Variants in TMEM132C observed in about 807,000 individuals in gnomAD.
The protein encoded by TMEM132C is protein phosphatase 1, regulatory subunit 152.
TMEM132C carries 29 observed loss-of-function variants against 61.4 expected under a neutral mutation model. The observed-to-expected ratio is 0.47, with a 90% confidence interval of 0.35 to 0.64. The LOEUF (loss-of-function observed/expected upper bound fraction) is 0.64. Among genes scored for constraint, TMEM132C ranks in the 30% least tolerant of loss-of-function variants. The pLI is 0.00. For missense variants in TMEM132C, 1,408 were observed against 1,476.9 expected (o/e 0.95, Z 0.76); for synonymous variants, 656 against 633.1 (o/e 1.04, Z -0.54).
chr12:128,427,259 T>C (rs1417598559), intron 2 of TMEM132C, among the ~76,000 whole-genome samples: 3 of 152,166 alleles, frequency 2.0e-5, no homozygotes, highest in Non-Finnish European at 4.4e-5. Context: ...GCATTTTGAT[T>C]GCATCGTGCT....
chr12:128,300,363 C>G lies in TMEM132C; in HGVS notation c.85+32876C>G, dbSNP rs536649268. ...GAACTTATCTCCTTGAGCCTGGGACCTTCCTGAAAAGCAGAGTTCATGGTT... is the reference window on the plus strand; with the variant it reads ...GAACTTATCTCCTTGAGCCTGGGACGTTCCTGAAAAGCAGAGTTCATGGTT... On this transcript the variant is annotated intron_variant, in intron 1 of 8. Coordinates refer to ENST00000435159, the MANE Select transcript of TMEM132C (RefSeq NM_001136103.3). Among the ~76,000 whole-genome samples, 8 of 152,258 alleles carry G rather than the reference C, an allele frequency of 5.3e-5. No individual in the cohort carries two copies. The South Asian group carries it at 1.7e-3, about 32-fold the overall frequency.
intron 1 of TMEM132C, among the ~76,000 whole-genome samples, chr12:128,407,574 T>A (rs1489336370): frequency 2.6e-5 from 4 of 152,198 alleles, no homozygotes; most frequent in Admixed American, 2.6e-4. Flanking sequence ...GGCTGCCTGA[T>A]GCAGGATGGC....
chr12:128,493,715 G>C (rs1871835073), intron 2 of TMEM132C, among the ~76,000 whole-genome samples: 1 of 152,182 alleles, frequency 6.6e-6, no homozygotes, highest in South Asian at 2.1e-4. Flanking sequence ...CTGAGACTTT[G>C]CTGAAGTTGC....
chr12:128,617,604 CAG>C (rs1309179802), intron 4 of TMEM132C, among the ~76,000 whole-genome samples: 11 of 151,194 alleles, frequency 7.3e-5, no homozygotes, highest in African/African-American at 2.7e-4. Flanking sequence ...GGGGCAGATG[CAG>C]AGTCAGGTGG....
chr12:128,486,111 G>A (rs1871484709), intron 2 of TMEM132C, among the ~76,000 whole-genome samples: 1 of 152,144 alleles, frequency 6.6e-6, no homozygotes, highest in Non-Finnish European at 1.5e-5. Flanking sequence ...CCAAAGCTTT[G>A]TAGTCTACTC....
At chr12:128,428,119 C>T (rs1447031382) in intron 2 of TMEM132C, among the ~76,000 whole-genome samples, 3 of 152,154 alleles carry the variant, frequency 2.0e-5, no homozygotes, top group Non-Finnish European at 4.4e-5. Context: ...ATACGCCATG[C>T]AATCCTCTCA....
intron 1 of TMEM132C, among the ~76,000 whole-genome samples, chr12:128,363,895 C>G (rs1443089677): frequency 6.7e-6 from 1 of 149,756 alleles, no homozygotes; most frequent in Non-Finnish European, 1.5e-5. Context: ...AAGATTTCAT[C>G]TCAGCGTGGT....
At chr12:128,365,620 C>T (rs1040129039) in intron 1 of TMEM132C, among the ~76,000 whole-genome samples, 1 of 152,178 alleles carries the variant, frequency 6.6e-6, no homozygotes, top group Non-Finnish European at 1.5e-5. Flanking sequence ...TGCCTCCTCG[C>T]CTCTGATTTT....
At chr12:128,443,828 C>T (rs1033395328) in intron 2 of TMEM132C, among the ~76,000 whole-genome samples, 4 of 152,190 alleles carry the variant, frequency 2.6e-5, no homozygotes, top group Admixed American at 6.5e-5. Context: ...CGGAATGCTC[C>T]GTCCTCTGTC....
At chr12:128,646,421 TGTGA>T (rs1313078102) in intron 4 of TMEM132C, among the ~76,000 whole-genome samples, 3 of 151,992 alleles carry the variant, frequency 2.0e-5, no homozygotes, top group African/African-American at 7.3e-5. Flanking sequence ...CAGTGTTGGA[TGTGA>T]GTGTGTTCAC....
At chr12:128,349,070 C>A (rs1023197125) in intron 1 of TMEM132C, among the ~76,000 whole-genome samples, 37 of 152,194 alleles carry the variant, frequency 2.4e-4, no homozygotes, top group African/African-American at 8.7e-4. Context: ...GTGGCACAAC[C>A]TGGGCTCACT....
chr12:128,636,464 A>G (rs1054895030), intron 4 of TMEM132C, among the ~76,000 whole-genome samples: 1 of 152,142 alleles, frequency 6.6e-6, no homozygotes. Context: ...TACCTGTGAA[A>G]TGGTCATTAC....
chr12:128,668,325 A>C (rs1201555446), intron 4 of TMEM132C, among the ~76,000 whole-genome samples: 1 of 152,144 alleles, frequency 6.6e-6, no homozygotes, highest in Non-Finnish European at 1.5e-5. Flanking sequence ...ATGTCAAGAA[A>C]ATTGACAGCA....
At chr12:128,440,634 T>A (rs1386926085) in intron 2 of TMEM132C, among the ~76,000 whole-genome samples, 1 of 152,254 alleles carries the variant, frequency 6.6e-6, no homozygotes, top group Non-Finnish European at 1.5e-5. Context: ...ATCTGATTGG[T>A]TGAGACCTGG....
intron 1 of TMEM132C, among the ~76,000 whole-genome samples, chr12:128,391,075 C>T (rs1403694105): frequency 6.6e-6 from 1 of 152,088 alleles, no homozygotes; most frequent in East Asian, 1.9e-4. Context: ...TCAGAACTGC[C>T]CTGAGAAGTT....
chr12:128,565,804 CA>C (rs1440509482), intron 3 of TMEM132C, among the ~76,000 whole-genome samples: 1 of 149,750 alleles, frequency 6.7e-6, no homozygotes, highest in Non-Finnish European at 1.5e-5. Context: ...TTCCAAAATT[CA>C]GCATAAATTC....
chr12:128,697,549 GCAGACAAAGTGCTCA>G, intron 8 of TMEM132C, 134 bp downstream of exon 8: 1 of 928,714 alleles, frequency 1.1e-6, no homozygotes, highest in African/African-American at 1.7e-5. Context: ...CCATGTCATT[GCAGACAAAGTGCTCA>G]TGTTACCCAC....
At chr12:128,366,291 A>G (rs1213640161) in intron 1 of TMEM132C, among the ~76,000 whole-genome samples, 1 of 152,058 alleles carries the variant, frequency 6.6e-6, no homozygotes, top group African/African-American at 2.4e-5. Flanking sequence ...CCTTTGAGGG[A>G]ACTGTTCAGA....
chr12:128,467,980 G>A (rs771893497), intron 2 of TMEM132C, among the ~76,000 whole-genome samples: 1 of 152,216 alleles, frequency 6.6e-6, no homozygotes, highest in Non-Finnish European at 1.5e-5. Context: ...TGATAAACAT[G>A]TGCTCTGTGA....
Sources: gnomAD v4.1 joint callset for allele counts (sites outside exome capture counted in the v4.1 genomes callset) on GRCh38, gnomAD v4.1.1 for gene constraint, MANE v1.5 for transcripts, NCBI Gene and HGNC (gene_info 2026-07-23, HGNC 2026-07-21) for gene names.